COG7: variants seen among roughly 807,000 people sequenced by gnomAD.
COG7 encodes component of oligomeric golgi complex 7, also known as conserved oligomeric Golgi complex subunit 7.
COG7 carries 49 observed loss-of-function variants against 91.5 expected under a neutral mutation model. That is an observed-to-expected ratio of 0.54 (90% confidence interval 0.43 to 0.68). The LOEUF is 0.68. Among genes scored for constraint, COG7 ranks in the 30% least tolerant of loss-of-function variants. The pLI is 0.00. For missense variants in COG7, 895 were observed against 961.3 expected (o/e 0.93, Z 0.91); for synonymous variants, 365 against 388.7 (o/e 0.94, Z 0.72).
rs114247042 is a variant in COG7 at position 23,452,942 on chromosome 16, T to C, written c.53A>G (p.Asn18Ser). The C allele has an allele frequency of 3.5e-5, 57 of 1,614,078 alleles. No homozygotes were observed. Among genetic ancestry groups the C allele is most frequent in the Middle Eastern group, 3.3e-4 (2 of 6,060 alleles). The part of the protein sequence containing the change: ...ADDFDVKEWI[N>S]AAFRAGSKEA... ...CTTGGAGCCGGCCCTGAAGGCCGCA[T>C]TGATCCACTCCTTCACGTCGAAGTC... The change falls in exon 1 of 17, where the codon AAT becomes AGT. Residue 18 changes from asparagine (N) to serine (S), a missense_variant. Asn to Ser is a conservative substitution (Grantham distance 46, BLOSUM62 1). Transcript: ENST00000307149.
chr16:23,423,044 C>CAAA (rs34598282), intron 7 of COG7, among the ~76,000 whole-genome samples: 83 of 63,624 alleles, frequency 1.3e-3, no homozygotes, highest in Non-Finnish European at 1.8e-3. Flanking sequence ...GTCTCTGTCT[C>CAAA]AAAAAAAAAA....
intron 1 of COG7, 120 bp from the exon 2 acceptor site, chr16:23,446,081 C>A: frequency 1.6e-6 from 2 of 1,225,612 alleles, no homozygotes; most frequent in Non-Finnish European, 2.3e-6. Flanking sequence ...AAATGCACGA[C>A]CAACCAAACG....
intron 11 of COG7, among the ~76,000 whole-genome samples, chr16:23,409,704 A>C (rs1487094088): frequency 6.6e-6 from 1 of 152,190 alleles, no homozygotes; most frequent in Non-Finnish European, 1.5e-5. Flanking sequence ...AGCCCCTTGA[A>C]GGGAAAAACT....
At chr16:23,390,961 G>A (rs904875603) in intron 16 of COG7, among the ~76,000 whole-genome samples, 2 of 152,260 alleles carry the variant, frequency 1.3e-5, no homozygotes, top group Non-Finnish European at 2.9e-5. Context: ...TGTTTGGCGA[G>A]CAGTGTTTTT....
chr16:23,449,010 C>G (rs1964222959), intron 1 of COG7, among the ~76,000 whole-genome samples: 2 of 152,182 alleles, frequency 1.3e-5, no homozygotes. Flanking sequence ...ACTGGGTCCT[C>G]CCACTGAATG....
chr16:23,408,522 T>G (rs941512538), intron 11 of COG7, among the ~76,000 whole-genome samples: 3 of 151,620 alleles, frequency 2.0e-5, no homozygotes, highest in Non-Finnish European at 4.4e-5. Context: ...GGCAGTTTCT[T>G]CTCACGATTC....
At chr16:23,414,881 T>A (rs1256523124) in intron 9 of COG7, 1 of 152,156 alleles carries the variant, frequency 6.6e-6, no homozygotes, top group East Asian at 1.9e-4. Context: ...TTTGCATGCA[T>A]CACAAGAGGC....
In COG7 at chr16:23,413,456, G is replaced by C. The variant is rs757733010; in HGVS notation, c.1401C>G (p.Asn467Lys). The C allele has an allele frequency of 1.1e-5, 18 of 1,568,290 alleles. No homozygotes were observed. The highest frequency in any genetic ancestry group is 6.8e-5 in the African/African-American group (5 of 74,032). The stretch of plus-strand genomic sequence containing the variant: ...TACAACCCCCGGTTTACCTAATGGA[G>C]TTCTGAAAAGCCGTCCAATCTTCCT... The part of the protein sequence containing the change: ...LFQEDWTAFQ[N>K]SIRIIATCGE... Residue 467 changes from asparagine to lysine, a missense_variant, in exon 10 of 17, where the codon AAC becomes AAG. Asn to Lys is a moderately conservative substitution (Grantham distance 94). Transcript: ENST00000307149.
intron 6 of COG7, among the ~76,000 whole-genome samples, chr16:23,428,275 G>A (rs1041943728): frequency 6.6e-6 from 1 of 152,106 alleles, no homozygotes; most frequent in African/African-American, 2.4e-5. Context: ...CTTGAACCCA[G>A]GAGGCGGAGG....
At chr16:23,392,053 A>G in intron 16 of COG7, 1 of 1,253,092 alleles carries the variant, frequency 8.0e-7, no homozygotes, top group Non-Finnish European at 1.0e-6. Flanking sequence ...AGCTCATTAA[A>G]CACTGGTTGG....
chr16:23,423,403 G>A (rs961635623), intron 7 of COG7, among the ~76,000 whole-genome samples: 2 of 152,180 alleles, frequency 1.3e-5, no homozygotes, highest in African/African-American at 2.4e-5. Context: ...TGTCTCAAGG[G>A]TGGTTCTCTT....
At chr16:23,392,273 G>A (rs1478489710) in intron 16 of COG7, 107 bp downstream of exon 16, 1 of 1,561,622 alleles carries the variant, frequency 6.4e-7, no homozygotes. Context: ...ATCCACAGCT[G>A]AAGCTAAGGG....
At chr16:23,399,869 C>T (rs1415652949) in intron 13 of COG7, among the ~76,000 whole-genome samples, 1 of 152,166 alleles carries the variant, frequency 6.6e-6, no homozygotes, top group Non-Finnish European at 1.5e-5. Context: ...CGTGCAGGAT[C>T]CTGGATCCTA....
chr16:23,417,092 C>CA lies in COG7; in HGVS notation c.1166_1167insT (p.Gln389HisfsTer19), dbSNP rs1057519232. ...GCTTGTTCACGGAGTGGCTCAGCTCCTGCACACAGTCAATCACTTCCCCAT... is the reference window on the plus strand; with the variant it reads ...GCTTGTTCACGGAGTGGCTCAGCTCCATGCACACAGTCAATCACTTCCCCAT... On this transcript the variant is annotated frameshift_variant, in exon 9 of 17. Transcript: ENST00000307149. LOFTEE classifies it high-confidence loss of function. 6.2e-7 allele frequency: 1 copy of CA among 1,614,220 alleles called. No individual in the cohort carries two copies. Among genetic ancestry groups the CA allele is most frequent in the Non-Finnish European group, 8.5e-7 (1 of 1,180,032 alleles).
chr16:23,391,295 T>C (rs1032266485), intron 16 of COG7, among the ~76,000 whole-genome samples: 1 of 152,192 alleles, frequency 6.6e-6, no homozygotes, highest in African/African-American at 2.4e-5. Flanking sequence ...TAGATTTCAC[T>C]CCACTCACTA....
At chr16:23,414,589 A>C (rs183106163) in intron 9 of COG7, 4 of 152,662 alleles carry the variant, frequency 2.6e-5, no homozygotes, top group African/African-American at 4.8e-5. Context: ...TGAGCACGCC[A>C]CTGCACTCCA....
At chr16:23,389,399 TCACACAAACTCG>T (rs1191720666) in intron 16 of COG7, among the ~76,000 whole-genome samples, 10 of 149,708 alleles carry the variant, frequency 6.7e-5, no homozygotes, top group Non-Finnish European at 1.3e-4. Flanking sequence ...ACATCCAAAC[TCACACAAACTCG>T]CACACACACT....
intron 2 of COG7, 56 bp from the exon 3 acceptor site, chr16:23,445,220 C>G: frequency 1.7e-6 from 2 of 1,187,044 alleles, no homozygotes; most frequent in Non-Finnish European, 2.5e-6. Flanking sequence ...TCTCCATCTG[C>G]CACCAGGGAC....
chr16:23,440,085 C>CAAAA (rs11294739), intron 4 of COG7, among the ~76,000 whole-genome samples: 3 of 79,294 alleles, frequency 3.8e-5, no homozygotes, highest in Non-Finnish European at 5.8e-5. Flanking sequence ...CCCATCTATA[C>CAAAA]AAAAAAAAAA....
Sources: allele counts gnomAD v4.1 joint callset (sites outside exome capture counted in the v4.1 genomes callset), GRCh38; gene constraint gnomAD v4.1.1; transcripts MANE v1.5; gene names NCBI Gene and HGNC (gene_info 2026-07-23, HGNC 2026-07-21).